BRI3: variants seen among roughly 807,000 people sequenced by gnomAD.
BRI3 encodes the protein membrane protein BRI3.
Under a neutral mutation model 12.8 loss-of-function variants are expected in BRI3, and 6 were observed. The ratio of observed to expected loss-of-function variants is 0.47; its 90% confidence interval spans 0.26 to 0.93. The LOEUF is 0.93. Ranked by LOEUF, BRI3 falls within the 40% of genes least tolerant of loss-of-function variation. The pLI is 0.15. For synonymous variants in BRI3, 91 were observed against 76.1 expected (o/e 1.20, Z -1.02); for missense variants, 134 against 171.1 (o/e 0.78, Z 1.21).
chr7:98,308,281 G>C, exon 2 of BRI3: 1 of 468,432 alleles, frequency 2.1e-6, no homozygotes, highest in Non-Finnish European at 4.3e-6. Context: ...GCAGGCTAGG[G>C]CCACAGTTCA....
At chr7:98,309,868 TTTTG>T (rs1011876157) in exon 2 of BRI3, 18 of 150,644 alleles carry the variant, frequency 1.2e-4, no homozygotes, top group African/African-American at 4.7e-4. Flanking sequence ...TGGCTCCAAC[TTTTG>T]TTTTTGTCAC....
chr7:98,307,607 C>A lies in BRI3; in HGVS notation n.237C>A, dbSNP rs1368902204. 3 of 1,572,430 alleles carry A rather than the reference C, an allele frequency of 1.9e-6. No homozygotes were observed. The East Asian group carries it at 6.8e-5, about 36-fold the overall frequency. Reference sequence around the variant, plus strand: ...ACTTTGGCTAAAATGTGAGCATGTCCACGAAGACAGTTTGCAGCTTGGCTG... The same window carrying A: ...ACTTTGGCTAAAATGTGAGCATGTCAACGAAGACAGTTTGCAGCTTGGCTG... On this transcript the variant is annotated non_coding_transcript_exon_variant, in exon 2 of 2. Transcript: ENST00000485422.
At chr7:98,313,473 C>G (rs1027025589), downstream of BRI3, among the ~76,000 whole-genome samples, 2 of 152,124 alleles carry the variant, frequency 1.3e-5, no homozygotes, top group Non-Finnish European at 2.9e-5. Flanking sequence ...TCTGTCCTCT[C>G]CAGCCTGCGA....
chr7:98,312,374 G>A, downstream of BRI3: 1 of 1,228,554 alleles, frequency 8.1e-7, no homozygotes, highest in Non-Finnish European at 1.1e-6. Context: ...AGCACCAGGA[G>A]TGTGGGGGCC....
chr7:98,307,280 A>G, intron 1 of BRI3: 1 of 532,064 alleles, frequency 1.9e-6, no homozygotes, highest in Non-Finnish European at 2.5e-6. Context: ...TAATTTTTGT[A>G]TTTTTCGTAG....
chr7:98,294,194 T>C (rs1345378559), downstream of BRI3: 11 of 1,467,650 alleles, frequency 7.5e-6, no homozygotes, highest in East Asian at 2.3e-5. Context: ...GGATTTGCTA[T>C]GTTGCCCAGG....
Position 98,291,534 on chromosome 7 carries a change from G to A in BRI3, c.*291G>A. Reference sequence around the variant, plus strand: ...TGAGATTCATACCATTGTTGACCTGGTGCTGCTTACTCGGTGCTTTCAGAG... The same window carrying A: ...TGAGATTCATACCATTGTTGACCTGATGCTGCTTACTCGGTGCTTTCAGAG... On this transcript the variant is annotated 3_prime_UTR_variant, in exon 3 of 3. Coordinates refer to ENST00000297290, the MANE Select transcript of BRI3 (RefSeq NM_015379.5). 2 of 1,180,846 alleles carry A rather than the reference G, an allele frequency of 1.7e-6. No homozygotes were observed. The highest frequency in any genetic ancestry group is 4.3e-5 in the Admixed American group (1 of 23,154). 73.1% of individuals were successfully genotyped at this position (1,180,846 alleles called of 1,614,324 possible). A position where few individuals can be genotyped will look rare whatever the true frequency, so the allele number is the denominator to read the frequency against.
exon 2 of BRI3, chr7:98,307,872 T>G (rs776372800): frequency 6.2e-7 from 1 of 1,614,252 alleles, no homozygotes; most frequent in Non-Finnish European, 8.5e-7. Context: ...AACTGATCGC[T>G]GTAAACTGGG....
At chr7:98,319,294 T>C in the BRI3 span, among the ~76,000 whole-genome samples, 163 of 152,242 alleles carry the variant, frequency 1.1e-3, no homozygotes, top group Non-Finnish European at 1.7e-3. Flanking sequence ...ATAAACCTGC[T>C]GAAATGGACA....
At chr7:98,306,563 G>T (rs1454900861) in exon 1 of BRI3, 1 of 1,613,820 alleles carries the variant, frequency 6.2e-7, no homozygotes, top group South Asian at 1.1e-5. Context: ...TAGACATGTG[G>T]ACGGCAACCT....
downstream of BRI3, chr7:98,293,641 G>A: frequency 1.3e-6 from 2 of 1,577,200 alleles, no homozygotes; most frequent in Non-Finnish European, 1.7e-6. Flanking sequence ...GCTCTACGAG[G>A]GAAACTGGAT....
downstream of BRI3, among the ~76,000 whole-genome samples, chr7:98,296,849 G>A (rs1800212723): frequency 6.6e-6 from 1 of 152,166 alleles, no homozygotes; most frequent in South Asian, 2.1e-4. Context: ...CCTCTTATCT[G>A]GTGGCCCCCA....
chr7:98,295,896 G>A (rs558709963), downstream of BRI3, among the ~76,000 whole-genome samples: 37 of 152,276 alleles, frequency 2.4e-4, no homozygotes, highest in African/African-American at 7.9e-4. Context: ...GAAAAAGAAC[G>A]CTTAAGATGA....
chr7:98,294,505 G>A (rs1229752457), downstream of BRI3, among the ~76,000 whole-genome samples: 1 of 152,160 alleles, frequency 6.6e-6, no homozygotes, highest in Non-Finnish European at 1.5e-5. Flanking sequence ...CCGTGATGTC[G>A]GGAGCTCACA....
At chr7:98,312,244 G>A, downstream of BRI3, 1 of 1,612,696 alleles carries the variant, frequency 6.2e-7, no homozygotes, top group Non-Finnish European at 8.5e-7. Context: ...GAGGCAGCTT[G>A]GAATTCAGTA....
downstream of BRI3, chr7:98,293,551 C>T (rs560555048): frequency 3.5e-5 from 57 of 1,613,830 alleles, no homozygotes; most frequent in African/African-American, 9.3e-5. Flanking sequence ...AGCGATCATT[C>T]GTCACAGTCG....
At chr7:98,315,591 G>A in the BRI3 span, 22 of 1,456,970 alleles carry the variant, frequency 1.5e-5, no homozygotes, top group South Asian at 4.6e-5. Context: ...TCACTCTGAC[G>A]AGAAGTAACG....
chr7:98,293,058 T>G (rs1336761530), downstream of BRI3: 1 of 830,530 alleles, frequency 1.2e-6, no homozygotes, highest in Non-Finnish European at 1.5e-6. Context: ...TGCTTAAAAT[T>G]ATGATTTGCA....
downstream of BRI3, among the ~76,000 whole-genome samples, chr7:98,297,329 G>T (rs1243172319): frequency 6.6e-6 from 1 of 152,216 alleles, no homozygotes; most frequent in Non-Finnish European, 1.5e-5. Flanking sequence ...ATGCGCCCAG[G>T]TTGGGGGACT....
Sources: allele counts gnomAD v4.1 joint callset (sites outside exome capture counted in the v4.1 genomes callset), GRCh38; gene constraint gnomAD v4.1.1; transcripts MANE v1.5; gene names NCBI Gene and HGNC (gene_info 2026-07-23, HGNC 2026-07-21).